Variants in RALYL observed in about 807,000 individuals in gnomAD.
The protein encoded by RALYL is RALY RNA binding protein like, also known as RNA-binding Raly-like protein.
Under a neutral mutation model 35.1 loss-of-function variants are expected in RALYL, and 29 were observed. That is an observed-to-expected ratio of 0.83 (90% CI 0.61 to 1.13). The LOEUF (loss-of-function observed/expected upper bound fraction) is 1.13, where lower values mean the gene tolerates loss of function less well. Among genes scored for constraint, RALYL ranks in the 50% most tolerant of loss-of-function variants. RALYL has a pLI of 0.00. For synonymous variants in RALYL, 120 were observed against 127.6 expected (o/e 0.94, Z 0.40); for missense variants, 359 against 360.4 (o/e 1.00, Z 0.03).
At chr8:84,874,632 C>A (rs1840800077) in intron 7 of RALYL, among the ~76,000 whole-genome samples, 1 of 152,166 alleles carries the variant, frequency 6.6e-6, no homozygotes, top group South Asian at 2.1e-4. Context: ...TTGGAGCGTA[C>A]CCTTGGCAGT....
intron 1 of RALYL, among the ~76,000 whole-genome samples, chr8:84,202,558 G>C (rs1486167881): frequency 6.6e-6 from 1 of 151,878 alleles, no homozygotes; most frequent in Non-Finnish European, 1.5e-5. Context: ...ATTTTTAGTA[G>C]AGACGGGGTT....
In RALYL at chr8:84,898,975, T is replaced by C. The variant is rs1038449646; in HGVS notation, c.858+11199T>C. Among the ~76,000 whole-genome samples, 17 of 152,186 alleles carry C rather than the reference T, an allele frequency of 1.1e-4. 2 individuals carry two copies. In the South Asian group the frequency reaches 3.5e-3, roughly 32 times the overall value. ...CCGTTTGAGCCAGGGTGTTCTTTTTTCTTTGTGGATCCCTCACGCATAGCA... is the reference window on the plus strand; with the variant it reads ...CCGTTTGAGCCAGGGTGTTCTTTTTCCTTTGTGGATCCCTCACGCATAGCA... On this transcript the variant is annotated intron_variant, in intron 8 of 8. Transcript: ENST00000521268.
At chr8:84,201,046 T>A (rs914077844) in intron 1 of RALYL, among the ~76,000 whole-genome samples, 1 of 152,198 alleles carries the variant, frequency 6.6e-6, no homozygotes, top group Admixed American at 6.5e-5. Flanking sequence ...CTGATGGTGA[T>A]AAATTTCACA....
At chr8:84,319,366 G>A (rs1844366684) in intron 1 of RALYL, among the ~76,000 whole-genome samples, 1 of 151,930 alleles carries the variant, frequency 6.6e-6, no homozygotes, top group African/African-American at 2.4e-5. Flanking sequence ...TCTTCTAAAG[G>A]GTCCTTGGAT....
intron 5 of RALYL, among the ~76,000 whole-genome samples, chr8:84,857,330 A>T (rs1311864983): frequency 6.6e-6 from 1 of 152,162 alleles, no homozygotes; most frequent in East Asian, 1.9e-4. Flanking sequence ...GGGAAGACCA[A>T]ATATTTTTGT....
rs373399833 is a variant in RALYL at position 84,416,535 on chromosome 8, C to T, written c.-23-112764C>T. 8.5e-5 allele frequency among the ~76,000 whole-genome samples: 13 copies of T among 152,210 alleles called. No homozygotes were observed. In the East Asian group the frequency reaches 2.1e-3, roughly 25 times the overall value. ...AGGAACTGAAAGAAAAAGAGGGAAA[C>T]TGGAAAGTGACATTTTTACAAGTAT... On this transcript the variant is annotated intron_variant, in intron 1 of 8. Transcript: ENST00000521268.
intron 2 of RALYL, among the ~76,000 whole-genome samples, chr8:84,711,777 GA>G (rs1347609613): frequency 6.6e-6 from 1 of 152,080 alleles, no homozygotes; most frequent in African/African-American, 2.4e-5. Flanking sequence ...GTGTTTTATA[GA>G]AGTCTTGTTT....
chr8:84,221,998 CTG>C (rs1461022037), intron 1 of RALYL, among the ~76,000 whole-genome samples: 1 of 151,788 alleles, frequency 6.6e-6, no homozygotes, highest in Non-Finnish European at 1.5e-5. Context: ...CTTAGTATGA[CTG>C]TTTTAAATAT....
chr8:84,879,635 G>A (rs1841829789), intron 7 of RALYL, among the ~76,000 whole-genome samples: 1 of 152,050 alleles, frequency 6.6e-6, no homozygotes, highest in South Asian at 2.1e-4. Context: ...ATTCAGCCAA[G>A]TGAGTGGAAA....
chr8:84,916,819 C>G (rs1239052103), intron 8 of RALYL, among the ~76,000 whole-genome samples: 1 of 151,976 alleles, frequency 6.6e-6, no homozygotes, highest in Non-Finnish European at 1.5e-5. Context: ...ATCAAAAGCT[C>G]TTTATACTGT....
In RALYL at chr8:84,265,965, A is replaced by C. The variant is rs16912625; in HGVS notation, c.-24+81541A>C. 7.7e-3 allele frequency among the ~76,000 whole-genome samples: 1,176 copies of C among 152,280 alleles called. 19 individuals are homozygous for C. The highest frequency in any genetic ancestry group is 0.027 in the African/African-American group (1,131 of 41,538). On this transcript the variant is annotated intron_variant, in intron 1 of 8. Coordinates refer to ENST00000521268, the MANE Select transcript of RALYL (RefSeq NM_173848.7). The stretch of plus-strand genomic sequence containing the variant: ...CATCACATCTTGACTTGCTAAGTAC[A>C]TGAGCCTCCTTTTAAATAAATTTTT...
intron 2 of RALYL, among the ~76,000 whole-genome samples, chr8:84,549,636 A>G (rs1328540716): frequency 6.6e-6 from 1 of 152,184 alleles, no homozygotes; most frequent in African/African-American, 2.4e-5. Context: ...TACTGAATGG[A>G]AACACCTGAT....
intron 1 of RALYL, among the ~76,000 whole-genome samples, chr8:84,196,809 A>G (rs1359514277): frequency 1.3e-5 from 2 of 152,240 alleles, no homozygotes; most frequent in Admixed American, 1.3e-4. Context: ...ATAGAAATCC[A>G]TTGAAGTTCA....
intron 1 of RALYL, among the ~76,000 whole-genome samples, chr8:84,469,500 C>T (rs529878122): frequency 2.2e-4 from 33 of 152,268 alleles, no homozygotes; most frequent in Non-Finnish European, 3.5e-4. Flanking sequence ...GTCTGCCCGT[C>T]CTGAGATCTC....
intron 2 of RALYL, among the ~76,000 whole-genome samples, chr8:84,555,683 A>G (rs770937348): frequency 5.3e-5 from 8 of 152,212 alleles, no homozygotes; most frequent in Non-Finnish European, 1.2e-4. Context: ...TTGGAATTAT[A>G]TTTAGCTTCT....
intron 1 of RALYL, among the ~76,000 whole-genome samples, chr8:84,283,252 C>A (rs80026955): frequency 0.019 from 2,888 of 152,176 alleles, 42 homozygotes; most frequent in Non-Finnish European, 0.031. Context: ...ATTGCATAGG[C>A]TTCCTGGGCA....
chr8:84,329,542 A>G (rs979783678), intron 1 of RALYL, among the ~76,000 whole-genome samples: 2 of 151,996 alleles, frequency 1.3e-5, no homozygotes, highest in African/African-American at 4.8e-5. Context: ...ATTTTCTCCC[A>G]TTCTGTAGGT....
chr8:84,420,396 T>A (rs1482519644), intron 1 of RALYL, among the ~76,000 whole-genome samples: 1 of 152,186 alleles, frequency 6.6e-6, no homozygotes, highest in Non-Finnish European at 1.5e-5. Context: ...TGGCGTTGTT[T>A]GTTTTTTTCT....
chr8:84,367,318 ATTTTTTTTTTTTT>A lies in RALYL; in HGVS notation c.-23-161942_-23-161930del, dbSNP rs56387511. Among the ~76,000 whole-genome samples, 250 of 27,412 alleles carry A rather than the reference ATTTTTTTTTTTTT, an allele frequency of 9.1e-3. 32 individuals are homozygous for A. The highest frequency in any genetic ancestry group is 0.02 in the Middle Eastern group (1 of 50). The allele number at this position is 27,412 out of a possible 152,430, so 18.0% of individuals were successfully genotyped here. A position where few individuals can be genotyped will look rare whatever the true frequency, so the allele number is the denominator to read the frequency against. Reference sequence around the variant, plus strand: ...GCCATCCTGCCCAACTAATTTTTGTATTTTTTTTTTTTTTTTTTTTTTTTTTTTTTTTTTTTTT... The same window carrying A: ...GCCATCCTGCCCAACTAATTTTTGTATTTTTTTTTTTTTTTTTTTTTTTTT... On this transcript the variant is annotated intron_variant, in intron 1 of 8. Transcript: ENST00000521268.
Sources: gnomAD v4.1 joint callset for allele counts (sites outside exome capture counted in the v4.1 genomes callset) on GRCh38, gnomAD v4.1.1 for gene constraint, MANE v1.5 for transcripts, NCBI Gene and HGNC (gene_info 2026-07-23, HGNC 2026-07-21) for gene names.